The following FAM234B variants were observed in gnomAD, a reference collection of about 807,000 sequenced individuals.
FAM234B encodes family with sequence similarity 234 member B.
In FAM234B, 33 loss-of-function variants were observed where a neutral mutation model predicts 69.3. That is an observed-to-expected ratio of 0.48 (90% CI 0.36 to 0.64). The LOEUF (loss-of-function observed/expected upper bound fraction) is 0.64. Among genes scored for constraint, FAM234B ranks in the 30% least tolerant of loss-of-function variants. FAM234B has a pLI of 0.00. For synonymous variants in FAM234B, 306 were observed against 306.9 expected, an observed-to-expected ratio of 1.00 and a Z score of 0.03; for missense variants, 697 against 769.7, an observed-to-expected ratio of 0.91 and a Z score of 1.12.
At position 13,076,122 on chromosome 12, in the gene FAM234B, G is replaced by A. The variant is rs747104306; in HGVS notation, c.1621G>A (p.Gly541Ser). The A allele has an allele frequency of 3.1e-6, 5 of 1,613,618 alleles. No individual in the cohort carries two copies. In the African/African-American group the frequency reaches 4.0e-5, roughly 13 times the overall value. Reference sequence around the variant, plus strand: ...CCTTCTGGATCTGGCCAACACCACCGGCACAGTGACGGCTTCAGAGGGTGA... The same window carrying A: ...CCTTCTGGATCTGGCCAACACCACCAGCACAGTGACGGCTTCAGAGGGTGA... The part of the protein sequence containing the change: ...SILLDLANTT[G>S]TVTASEVGIN... The change falls in exon 11 of 13, where the codon GGC (glycine) becomes AGC (serine). Residue 541 changes from glycine to serine, a missense_variant. Transcript: ENST00000197268.
chr12:13,059,713 A>G (rs1479037799), intron 3 of FAM234B, among the ~76,000 whole-genome samples: 1 of 152,210 alleles, frequency 6.6e-6, no homozygotes, highest in Non-Finnish European at 1.5e-5. Flanking sequence ...TCTGAGGCCC[A>G]CATGAGATGT....
intron 11 of FAM234B, among the ~76,000 whole-genome samples, chr12:13,077,951 G>A (rs1221307545): frequency 6.6e-6 from 1 of 151,642 alleles, no homozygotes; most frequent in Non-Finnish European, 1.5e-5. Flanking sequence ...ACTTTTTAAT[G>A]ATTGCCATTC....
intron 3 of FAM234B, among the ~76,000 whole-genome samples, chr12:13,059,187 G>A (rs558919744): frequency 5.3e-5 from 8 of 152,254 alleles, no homozygotes; most frequent in South Asian, 2.1e-4. Flanking sequence ...CTCCCTCCCC[G>A]CCGGGGTCAC....
rs200786648 is a variant in FAM234B at position 13,073,153 on chromosome 12, C to CT, written c.1524+1771dup. 1.0e-2 allele frequency among the ~76,000 whole-genome samples: 1,418 copies of CT among 142,446 alleles called. 18 individuals carry two copies. Among genetic ancestry groups the CT allele is most frequent in the African/African-American group, 0.027 (1,045 of 38,878 alleles). 93.5% of individuals were successfully genotyped at this position (142,446 alleles called of 152,430 possible). On this transcript the variant is annotated intron_variant, in intron 10 of 12. Coordinates refer to ENST00000197268, the MANE Select transcript of FAM234B (RefSeq NM_020853.2). ...GCAGATGTTATCATTCTTTTTTTGT[C>CT]TTTTTTTTTTTTTTCCTTTTTGTGG...
At position 13,079,900 on chromosome 12, in the gene FAM234B, C is replaced by G. The variant is rs1464769491; in HGVS notation, c.1754C>G (p.Ala585Gly). ...GTCAGCAAGCTTAGTCTACGGTGGG[C>G]ACTAATGGAGGGCCAGATGGCTCAG... ...LVVSKLSLRW[A>G]LMEGQMAQLQ... The change falls in exon 12 of 13, where the codon GCA (alanine) becomes GGA (glycine). Residue 585 changes from alanine to glycine, a missense_variant. Physicochemically the swap from Ala to Gly is moderately conservative, Grantham distance 60. Coordinates refer to ENST00000197268, the MANE Select transcript of FAM234B (RefSeq NM_020853.2). 6.2e-7 allele frequency: 1 copy of G among 1,614,066 alleles called. No homozygotes were observed. The highest frequency in any genetic ancestry group is 1.7e-5 in the Admixed American group (1 of 60,022).
At chr12:13,062,783 G>A (rs1322296389) in intron 4 of FAM234B, 62 bp from the exon 5 acceptor site, 6 of 1,570,780 alleles carry the variant, frequency 3.8e-6, no homozygotes, top group African/African-American at 1.4e-5. Context: ...TGGGAACATG[G>A]CATCTGCCTT....
At chr12:13,047,932 T>C (rs1446077713) in intron 1 of FAM234B, among the ~76,000 whole-genome samples, 1 of 152,182 alleles carries the variant, frequency 6.6e-6, no homozygotes, top group East Asian at 1.9e-4. Context: ...TTTCTGTAAA[T>C]AGATAGAAAA....
intron 10 of FAM234B, 89 bp downstream of exon 10, chr12:13,071,485 C>T: frequency 8.1e-7 from 1 of 1,227,110 alleles, no homozygotes; most frequent in Non-Finnish European, 1.2e-6. Flanking sequence ...GTTATTTGAC[C>T]CATCACTTTC....
intron 1 of FAM234B, among the ~76,000 whole-genome samples, chr12:13,054,550 C>A (rs147462988): frequency 1.3e-5 from 2 of 152,182 alleles, no homozygotes; most frequent in Admixed American, 6.5e-5. Flanking sequence ...TTCTTTTCCC[C>A]TTTTTAATTA....
chr12:13,044,865 C>G lies in FAM234B; in HGVS notation c.37+425C>G, dbSNP rs1338087923. 1.3e-5 allele frequency among the ~76,000 whole-genome samples: 2 copies of G among 152,204 alleles called. No homozygotes were observed. Reference sequence around the variant, plus strand: ...GGACGGCGAGTGGCCCTCTGTGGATCATCCCCTCCACCTAACGGCAGCAAC... The same window carrying G: ...GGACGGCGAGTGGCCCTCTGTGGATGATCCCCTCCACCTAACGGCAGCAAC... On this transcript the variant is annotated intron_variant, in intron 1 of 12. Coordinates refer to ENST00000197268, the MANE Select transcript of FAM234B (RefSeq NM_020853.2). This position sits in a 1 kb window ranked among gnomAD's most constrained non-coding sequence, Gnocchi z 5.6.
rs754217911 is a variant in FAM234B, at chr12:13,068,443, C to T, written c.1282C>T (p.Arg428Cys). Reference sequence around the variant, plus strand: ...CTGGGCATTGAGACTTCAAGGCCTGCGCAGGTTTGCATTGTGTTCCTTCTT... The same window carrying T: ...CTGGGCATTGAGACTTCAAGGCCTGTGCAGGTTTGCATTGTGTTCCTTCTT... ...PYWALRLQGL[R>C]SQPTPGYFTD... Residue 428 changes from arginine to cysteine, a missense_variant, in exon 8 of 13, where the codon CGC becomes TGC. This residue lies in a region of FAM234B where 313 missense variants were observed against 305.5 expected (regional missense o/e 1.02). Transcript: ENST00000197268. The T allele has an allele frequency of 4.5e-5, 73 of 1,613,924 alleles. No individual in the cohort carries two copies. Among genetic ancestry groups the T allele is most frequent in the East Asian group, 3.6e-4 (16 of 44,870 alleles).
At chr12:13,073,828 A>G (rs940490549) in intron 10 of FAM234B, among the ~76,000 whole-genome samples, 3 of 152,232 alleles carry the variant, frequency 2.0e-5, no homozygotes, top group Admixed American at 2.0e-4. Context: ...CATGAACAAG[A>G]TTAATTTTTT....
chr12:13,058,173 G>A (rs1228512347), intron 2 of FAM234B, among the ~76,000 whole-genome samples: 1 of 152,134 alleles, frequency 6.6e-6, no homozygotes, highest in African/African-American at 2.4e-5. Context: ...GAGGCCAAAA[G>A]AAAACCCAGG....
chr12:13,071,340 C>T lies in FAM234B; in HGVS notation c.1468C>T (p.Gln490Ter). Residue 490 changes from glutamine to a stop codon, truncating the protein, a stop_gained, in exon 10 of 13, where the codon CAG becomes TAG. Coordinates refer to ENST00000197268, the MANE Select transcript of FAM234B (RefSeq NM_020853.2). LOFTEE classifies it high-confidence loss of function. ...AGCCACCTCAGCAGTTACTTCAGACCAGAAGTCTGTCTTCCTCTTCTGGGC... is the reference window on the plus strand; with the variant it reads ...AGCCACCTCAGCAGTTACTTCAGACTAGAAGTCTGTCTTCCTCTTCTGGGC... The part of the protein sequence containing the change: ...TPATSAVTSD[Q>*]KSVFLFWAEG... 6.2e-7 allele frequency: 1 copy of T among 1,614,156 alleles called. No individual in the cohort carries two copies. The highest frequency in any genetic ancestry group is 8.5e-7 in the Non-Finnish European group (1 of 1,180,008).
Position 13,067,689 on chromosome 12 carries a change from A to C in FAM234B, c.1142+393A>C, listed in dbSNP as rs759280411. Among the ~76,000 whole-genome samples the C allele has an allele frequency of 6.6e-6, 1 of 152,230 alleles. No individual in the cohort carries two copies. Among genetic ancestry groups the C allele is most frequent in the African/African-American group, 2.4e-5 (1 of 41,462 alleles). ...TTTGACAGAAGCAAGGATAGTGTCCATGAAATCTTATTTTTTATTTTTATT... is the reference window on the plus strand; with the variant it reads ...TTTGACAGAAGCAAGGATAGTGTCCCTGAAATCTTATTTTTTATTTTTATT... On this transcript the variant is annotated intron_variant, in intron 7 of 12. Coordinates refer to ENST00000197268, the MANE Select transcript of FAM234B (RefSeq NM_020853.2). The surrounding 1 kb of genome is among the most constrained non-coding windows in gnomAD (Gnocchi z 4.7).
intron 3 of FAM234B, among the ~76,000 whole-genome samples, chr12:13,059,224 C>T (rs1297501459): frequency 6.6e-6 from 1 of 152,220 alleles, no homozygotes; most frequent in Non-Finnish European, 1.5e-5. Flanking sequence ...CAGCCTTGAC[C>T]CTGGGTCACA....
intron 1 of FAM234B, among the ~76,000 whole-genome samples, chr12:13,046,595 G>C (rs1289917389): frequency 6.6e-6 from 1 of 152,102 alleles, no homozygotes; most frequent in African/African-American, 2.4e-5. Flanking sequence ...CGAGTAGCTG[G>C]GATTACAGGC....
chr12:13,044,547 C>T lies in FAM234B; in HGVS notation c.37+107C>T, dbSNP rs1378919245. The T allele has an allele frequency of 8.1e-7, 1 of 1,231,846 alleles. No individual in the cohort carries two copies. Among genetic ancestry groups the T allele is most frequent in the Non-Finnish European group, 1.1e-6 (1 of 869,802 alleles). 76.3% of individuals were successfully genotyped at this position (1,231,846 alleles called of 1,614,324 possible). ...TCGGGCCCTGGCCTCAACCCAGACT[C>T]AGCTGCAGGCGCCCGGTGCCGAGGA... is the stretch of plus-strand genomic sequence containing the variant. On this transcript the variant is annotated intron_variant, in intron 1 of 12. Coordinates refer to ENST00000197268, the MANE Select transcript of FAM234B (RefSeq NM_020853.2). This position sits in a 1 kb window ranked among gnomAD's most constrained non-coding sequence, Gnocchi z 5.6.
chr12:13,050,851 T>A lies in FAM234B; in HGVS notation c.38-4700T>A, dbSNP rs536345004. On this transcript the variant is annotated intron_variant, in intron 1 of 12. Coordinates refer to ENST00000197268, the MANE Select transcript of FAM234B (RefSeq NM_020853.2). ...AATACACTTCCAGTTGTCATCATCG[T>A]CATCATCTTATTGTTGTCATGATTA... Among the ~76,000 whole-genome samples the A allele has an allele frequency of 7.9e-5, 12 of 152,328 alleles. No homozygotes were observed. In the East Asian group the frequency reaches 2.3e-3, roughly 29 times the overall value.
Sources: allele counts gnomAD v4.1 joint callset (sites outside exome capture counted in the v4.1 genomes callset), GRCh38; gene constraint gnomAD v4.1.1; regional missense constraint gnomAD v4.1.1; non-coding constraint Gnocchi (gnomAD v3.1); transcripts MANE v1.5; gene names NCBI Gene and HGNC (gene_info 2026-07-23, HGNC 2026-07-21).